Variants in SUGCT observed in about 807,000 individuals in gnomAD.
The protein encoded by SUGCT is succinyl-CoA:glutarate CoA-transferase.
SUGCT carries 41 observed loss-of-function variants against 55.0 expected under a neutral mutation model. That is an observed-to-expected ratio of 0.74 (90% confidence interval 0.58 to 0.97). SUGCT has a LOEUF of 0.97. SUGCT is among the 50% of genes least tolerant of loss of function. The probability of loss-of-function intolerance (pLI) is 0.00; values close to 1 mark genes in which losing one functional copy is unlikely to be tolerated. For missense variants in SUGCT, 568 were observed against 547.8 expected (o/e 1.04, Z -0.37); for synonymous variants, 187 against 200.4 (o/e 0.93, Z 0.56).
chr7:40,280,653 A>G (rs968009501), intron 8 of SUGCT, among the ~76,000 whole-genome samples: 10 of 152,220 alleles, frequency 6.6e-5, no homozygotes, highest in African/African-American at 2.4e-4. Context: ...TTTGACTGAT[A>G]AACTTTTGAA....
intron 13 of SUGCT, among the ~76,000 whole-genome samples, chr7:40,787,933 C>T (rs973784197): frequency 1.2e-4 from 19 of 152,258 alleles, no homozygotes; most frequent in African/African-American, 4.3e-4. Context: ...TCCTCCCCTG[C>T]CCGGTGGTAA....
chr7:40,342,037 AAT>A (rs1334432611), intron 9 of SUGCT, among the ~76,000 whole-genome samples: 1 of 152,234 alleles, frequency 6.6e-6, no homozygotes, highest in Non-Finnish European at 1.5e-5. Flanking sequence ...TCAAGTCTTG[AAT>A]ACAGCATCTC....
the SUGCT span, among the ~76,000 whole-genome samples, chr7:41,031,035 C>T: frequency 6.6e-6 from 1 of 152,162 alleles, no homozygotes. Flanking sequence ...GATCTCAGCA[C>T]ACAGCAACTT....
intron 7 of SUGCT, among the ~76,000 whole-genome samples, chr7:40,259,403 G>A (rs1293641512): frequency 1.3e-5 from 2 of 152,162 alleles, no homozygotes; most frequent in African/African-American, 4.8e-5. Flanking sequence ...AGGGCCAACT[G>A]TGGCTACGCG....
chr7:40,961,129 C>A, the SUGCT span, among the ~76,000 whole-genome samples: 113 of 152,360 alleles, frequency 7.4e-4, no homozygotes, highest in Middle Eastern at 3.4e-3. Flanking sequence ...AGCACCCCCA[C>A]ACTCCTGATA....
intron 13 of SUGCT, among the ~76,000 whole-genome samples, chr7:40,810,901 A>G (rs571036088): frequency 7.9e-5 from 12 of 152,184 alleles, no homozygotes; most frequent in African/African-American, 1.4e-4. Context: ...GAGGTCTTAC[A>G]TTTAAATCTT....
intron 12 of SUGCT, among the ~76,000 whole-genome samples, chr7:40,559,897 A>G (rs1413993691): frequency 6.6e-6 from 1 of 152,256 alleles, no homozygotes; most frequent in Non-Finnish European, 1.5e-5. Context: ...TTCTGGAATA[A>G]GACAGTGCGT....
chr7:40,689,123 A>AAG (rs570912063), intron 12 of SUGCT, among the ~76,000 whole-genome samples: 360 of 152,302 alleles, frequency 2.4e-3, no homozygotes, highest in Non-Finnish European at 3.8e-3. Context: ...CTTGTAGGTT[A>AAG]AGACATGTTC....
chr7:40,730,566 T>C, intron 12 of SUGCT, among the ~76,000 whole-genome samples: 1 of 152,228 alleles, frequency 6.6e-6, no homozygotes, highest in East Asian at 1.9e-4. Flanking sequence ...ACTTAAAATC[T>C]ACTCTCCAGT....
intron 9 of SUGCT, among the ~76,000 whole-genome samples, chr7:40,422,409 T>C (rs1460759110): frequency 6.6e-6 from 1 of 152,240 alleles, no homozygotes; most frequent in Non-Finnish European, 1.5e-5. Context: ...GAATCTTGTA[T>C]AAAAATTTTC....
chr7:40,438,299 C>G (rs1406049895), intron 9 of SUGCT, among the ~76,000 whole-genome samples: 1 of 152,162 alleles, frequency 6.6e-6, no homozygotes, highest in African/African-American at 2.4e-5. Flanking sequence ...AATAGAGAAA[C>G]TAAACACTGA....
At chr7:40,559,420 G>GCGA (rs1271935664) in intron 12 of SUGCT, among the ~76,000 whole-genome samples, 10 of 152,190 alleles carry the variant, frequency 6.6e-5, no homozygotes, top group African/African-American at 2.4e-4. Flanking sequence ...GTATCTATAG[G>GCGA]CGACAGCCCT....
the SUGCT span, among the ~76,000 whole-genome samples, chr7:40,918,386 G>A: frequency 2.2e-4 from 34 of 151,370 alleles, no homozygotes; most frequent in African/African-American, 7.0e-4. Flanking sequence ...ACTTGAACCC[G>A]GGAGGCAGAG....
chr7:40,368,526 T>C (rs2151246055), intron 9 of SUGCT, among the ~76,000 whole-genome samples: 1 of 152,256 alleles, frequency 6.6e-6, no homozygotes, highest in East Asian at 1.9e-4. Context: ...CTGAAAGTTC[T>C]TACTTACACA....
chr7:40,997,984 TCA>T, the SUGCT span, among the ~76,000 whole-genome samples: 7 of 152,292 alleles, frequency 4.6e-5, no homozygotes, highest in Non-Finnish European at 1.0e-4. Context: ...CGGAAATCTC[TCA>T]GTGGTCCTGG....
chr7:40,867,331 G>C, the SUGCT span, among the ~76,000 whole-genome samples: 21 of 135,998 alleles, frequency 1.5e-4, no homozygotes, highest in Non-Finnish European at 2.7e-4. Flanking sequence ...ATATATATAT[G>C]TGTATATATA....
At chr7:40,956,684 T>TGCTA in the SUGCT span, among the ~76,000 whole-genome samples, 1 of 151,684 alleles carries the variant, frequency 6.6e-6, no homozygotes. Context: ...TGTTTGCTCT[T>TGCTA]CTCTAGTTCT....
At chr7:40,509,883 T>A (rs1792828585) in intron 12 of SUGCT, among the ~76,000 whole-genome samples, 1 of 152,230 alleles carries the variant, frequency 6.6e-6, no homozygotes, top group Non-Finnish European at 1.5e-5. Flanking sequence ...GTGGGAGAGA[T>A]GGTGTAGAGT....
chr7:40,776,016 A>G (rs1789431642), intron 13 of SUGCT, among the ~76,000 whole-genome samples: 2 of 151,992 alleles, frequency 1.3e-5, no homozygotes, highest in South Asian at 4.1e-4. Flanking sequence ...GCCCTTCCCC[A>G]TTGTGCCTGC....
Sources: allele counts gnomAD v4.1 joint callset (sites outside exome capture counted in the v4.1 genomes callset), GRCh38; gene constraint gnomAD v4.1.1; transcripts MANE v1.5; gene names NCBI Gene and HGNC (gene_info 2026-07-23, HGNC 2026-07-21).